LACC1: variants seen among roughly 807,000 people sequenced by gnomAD.
LACC1 encodes the protein laccase domain multifunctional purine nucleosidase 1.
Under a neutral mutation model 34.8 loss-of-function variants are expected in LACC1, and 25 were observed. That is an observed-to-expected ratio of 0.72 (90% CI 0.52 to 1.00). The LOEUF (loss-of-function observed/expected upper bound fraction) is 1.00. LACC1 is among the 50% of genes least tolerant of loss of function. The pLI is 0.00. For synonymous variants in LACC1, 162 were observed against 168.0 expected (o/e 0.96, Z 0.28); for missense variants, 426 against 511.2 (o/e 0.83, Z 1.61).
intron 4 of LACC1, 123 bp from the exon 5 acceptor site, chr13:43,888,634 T>C (rs1043088259): frequency 6.8e-6 from 5 of 738,440 alleles, no homozygotes; most frequent in African/African-American, 1.8e-5. Flanking sequence ...ATAATGTAAT[T>C]TATTATTTCT....
At chr13:43,882,402 A>AT (rs1566965023) in intron 3 of LACC1, 39 bp downstream of exon 3, 4 of 1,506,420 alleles carry the variant, frequency 2.7e-6, no homozygotes, top group Non-Finnish European at 3.6e-6. Context: ...TCTAAAGTAT[A>AT]TTTTTTACTT....
At chr13:43,889,744 G>C (rs891122009) in intron 5 of LACC1, among the ~76,000 whole-genome samples, 3 of 152,288 alleles carry the variant, frequency 2.0e-5, no homozygotes, top group Middle Eastern at 6.8e-3. Context: ...AGGAGATGAA[G>C]GGCCAGATGA....
At chr13:43,881,967 C>T (rs1955087569) in intron 2 of LACC1, among the ~76,000 whole-genome samples, 1 of 152,102 alleles carries the variant, frequency 6.6e-6, no homozygotes, top group Admixed American at 6.5e-5. Flanking sequence ...TATAACAAAG[C>T]CAGATGAGAC....
intron 4 of LACC1, among the ~76,000 whole-genome samples, chr13:43,888,262 GGAA>G (rs1343923755): frequency 6.6e-6 from 1 of 152,118 alleles, no homozygotes. Flanking sequence ...TACAGGAACT[GGAA>G]GAAGAATGGT....
rs1218476699 is a variant in LACC1 at position 43,879,974 on chromosome 13, A to C, written c.-180A>C. On this transcript the variant is annotated 5_prime_UTR_variant, in exon 1 of 7. Transcript: ENST00000325686. Reference sequence around the variant, plus strand: ...CAGAGGTCGCCGTAGACCGGTGTGCAACCGAAGGTGAAGAGCGGGAAGGCG... The same window carrying C: ...CAGAGGTCGCCGTAGACCGGTGTGCCACCGAAGGTGAAGAGCGGGAAGGCG... 3.3e-5 allele frequency: 5 copies of C among 152,520 alleles called. No homozygotes were observed. The highest frequency in any genetic ancestry group is 1.2e-4 in the African/African-American group (5 of 41,464). 9.4% of individuals were successfully genotyped at this position (152,520 alleles called of 1,614,324 possible). A position where few individuals can be genotyped will look rare whatever the true frequency, so the allele number is the denominator to read the frequency against.
At chr13:43,883,134 A>G (rs1440553443) in intron 3 of LACC1, among the ~76,000 whole-genome samples, 2 of 152,226 alleles carry the variant, frequency 1.3e-5, no homozygotes, top group Non-Finnish European at 2.9e-5. Context: ...AATTTTTTTC[A>G]TTAACATTAT....
At chr13:43,882,136 T>A in intron 2 of LACC1, 49 bp from the exon 3 acceptor site, 1 of 1,431,332 alleles carries the variant, frequency 7.0e-7, no homozygotes, top group South Asian at 1.3e-5. Context: ...ATTGAGAGAC[T>A]GGTATTTTGA....
At chr13:43,882,597 A>G (rs1005656455) in intron 3 of LACC1, among the ~76,000 whole-genome samples, 1 of 146,534 alleles carries the variant, frequency 6.8e-6, no homozygotes, top group South Asian at 2.2e-4. Flanking sequence ...GCACACACAC[A>G]TATAGTAAGT....
chr13:43,880,433 G>C lies in LACC1; in HGVS notation c.-35+314G>C, dbSNP rs1464413659. Among the ~76,000 whole-genome samples, 4 of 152,332 alleles carry C rather than the reference G, an allele frequency of 2.6e-5. No homozygotes were observed. In the East Asian group the frequency reaches 7.7e-4, roughly 29 times the overall value. On this transcript the variant is annotated intron_variant, in intron 1 of 6. Transcript: ENST00000325686. ...CATCCAAATCACTATAGCTTTTGTG[G>C]TCATTGCTAAGTGTGGAGTACTGCG...
chr13:43,888,445 T>G (rs984502161), intron 4 of LACC1, among the ~76,000 whole-genome samples: 2 of 152,174 alleles, frequency 1.3e-5, no homozygotes, highest in Non-Finnish European at 2.9e-5. Context: ...TAATAGTAAA[T>G]TTTGTGGGTT....
At chr13:43,883,713 C>A in intron 3 of LACC1, 58 bp from the exon 4 acceptor site, 2 of 1,348,940 alleles carry the variant, frequency 1.5e-6, no homozygotes, top group East Asian at 4.6e-5. Context: ...TTCGAGAAAG[C>A]TTATGGTATA....
chr13:43,891,462 T>G lies in LACC1; in HGVS notation c.*15T>G. The G allele has an allele frequency of 1.0e-6, 1 of 984,960 alleles. No homozygotes were observed. The highest frequency in any genetic ancestry group is 1.2e-6 in the Non-Finnish European group (1 of 829,358). The allele number at this position is 984,960 out of a possible 1,614,324, so 61.0% of individuals were successfully genotyped here. On this transcript the variant is annotated 3_prime_UTR_variant, in exon 7 of 7. Coordinates refer to ENST00000325686, the MANE Select transcript of LACC1 (RefSeq NM_153218.4). ...TGTATTTTACAGATACTTGACTGGA[T>G]TTTTGTATAACTGCTTCCTGCCTCC...
intron 1 of LACC1, among the ~76,000 whole-genome samples, chr13:43,880,458 G>A (rs1954951650): frequency 6.6e-6 from 1 of 152,154 alleles, no homozygotes; most frequent in African/African-American, 2.4e-5. Context: ...GGAGTACTGC[G>A]CAAATCCTGA....
chr13:43,880,569 G>A (rs9525863), intron 1 of LACC1, among the ~76,000 whole-genome samples: 11,058 of 152,218 alleles, frequency 0.073, 555 homozygotes, highest in East Asian at 0.18. Context: ...CATATGAAAG[G>A]ATGAGACCTA....
At position 43,879,925 on chromosome 13, in the gene LACC1, G is replaced by C. The variant is rs1471086384; in HGVS notation, c.-229G>C. On this transcript the variant is annotated 5_prime_UTR_variant, in exon 1 of 7. Transcript: ENST00000325686. ...GCCCAATTTCGTTGAGGCTCAGGACGAGGGACGGGGCGGCAAATTGTCACA... is the reference window on the plus strand; with the variant it reads ...GCCCAATTTCGTTGAGGCTCAGGACCAGGGACGGGGCGGCAAATTGTCACA... The C allele has an allele frequency of 6.5e-6, 1 of 152,766 alleles. No homozygotes were observed. Among genetic ancestry groups the C allele is most frequent in the East Asian group, 1.9e-4 (1 of 5,370 alleles). 9.5% of individuals were successfully genotyped at this position (152,766 alleles called of 1,614,324 possible).
chr13:43,891,790 A>G lies in LACC1; in HGVS notation c.*343A>G, dbSNP rs1055008899. On this transcript the variant is annotated 3_prime_UTR_variant, in exon 7 of 7. Coordinates refer to ENST00000325686, the MANE Select transcript of LACC1 (RefSeq NM_153218.4). ...CATTGTGTTAAGCATATGTGAATCA[A>G]AATGAACACAACTTTTTCCTTTGAG... 6.4e-6 allele frequency: 1 copy of G among 155,820 alleles called. No individual in the cohort carries two copies. Among genetic ancestry groups the G allele is most frequent in the African/African-American group, 2.4e-5 (1 of 41,518 alleles). 9.7% of individuals were successfully genotyped at this position (155,820 alleles called of 1,614,324 possible). A position where few individuals can be genotyped will look rare whatever the true frequency, so the allele number is the denominator to read the frequency against.
At chr13:43,880,796 CAG>C (rs1954976868) in intron 1 of LACC1, among the ~76,000 whole-genome samples, 154 bp from the exon 2 acceptor site, 2 of 152,214 alleles carry the variant, frequency 1.3e-5, no homozygotes, top group Admixed American at 1.3e-4. Flanking sequence ...TCTGTTGTGA[CAG>C]AGTAGACTGG....
intron 6 of LACC1, among the ~76,000 whole-genome samples, chr13:43,890,495 ACT>A (rs1955528234): frequency 6.6e-6 from 1 of 152,046 alleles, no homozygotes. Flanking sequence ...TTCCAATAAC[ACT>A]CTATTATGAA....
rs1680361133 is a variant in LACC1 at position 43,881,542 on chromosome 13, T to A, written c.557T>A (p.Ile186Asn). Residue 186 changes from isoleucine to asparagine, a missense_variant, in exon 2 of 7, where the codon ATC becomes AAC. Ile to Asn is a moderately radical substitution (Grantham distance 149). Around this residue, in one of 2 missense-constraint regions of LACC1, gnomAD observed 217 missense variants for 210.9 expected, o/e 1.03. Transcript: ENST00000325686. ...GKLTIITSSL[I>N]PDIFIHGFTT... is the part of the protein sequence containing the mutation. ...TTAACTATTATCACTTCTTCTTTGA[T>A]CCCAGGTATATTAACCACTAACTGT... is the stretch of plus-strand genomic sequence containing the variant. 6.3e-7 allele frequency: 1 copy of A among 1,594,270 alleles called. No individual in the cohort carries two copies. Among genetic ancestry groups the A allele is most frequent in the Non-Finnish European group, 8.5e-7 (1 of 1,171,880 alleles).
Sources: gnomAD v4.1 joint callset for allele counts (sites outside exome capture counted in the v4.1 genomes callset) on GRCh38, gnomAD v4.1.1 for gene constraint, gnomAD v4.1.1 regional missense constraint, MANE v1.5 for transcripts, NCBI Gene and HGNC (gene_info 2026-07-23, HGNC 2026-07-21) for gene names.